VSX2: variants seen among roughly 807,000 people sequenced by gnomAD.
The protein encoded by VSX2 is visual system homeobox 2, also known as ceh-10 homeo domain containing homolog.
A neutral mutation model predicts 32.1 loss-of-function variants in VSX2; 28 were observed. The ratio of observed to expected loss-of-function variants is 0.87; its 90% CI spans 0.65 to 1.20. The LOEUF (loss-of-function observed/expected upper bound fraction) is 1.20. Ranked by LOEUF, VSX2 falls within the 50% of genes most tolerant of loss-of-function variation. VSX2 has a pLI of 0.00. For missense variants in VSX2, 506 were observed against 488.7 expected (o/e 1.04, Z -0.33); for synonymous variants, 243 against 214.1 (o/e 1.14, Z -1.18).
chr14:74,244,919 T>TGAGAGAGAGAGAGAGAGAGAGAAA (rs1178977213), intron 2 of VSX2, among the ~76,000 whole-genome samples: 1 of 41,150 alleles, frequency 2.4e-5, no homozygotes, highest in Non-Finnish European at 7.5e-5. Context: ...TGTGTGTGTG[T>TGAGAGAGAGAGAGAGAGAGAGAAA]GTGTGTGTGT....
intron 3 of VSX2, among the ~76,000 whole-genome samples, chr14:74,254,420 T>A (rs2079249181): frequency 1.3e-5 from 2 of 149,282 alleles, no homozygotes; most frequent in African/African-American, 4.9e-5. Flanking sequence ...GTCTCAAATT[T>A]AAAAAAAAAG....
chr14:74,246,587 G>A (rs969279926), intron 3 of VSX2, among the ~76,000 whole-genome samples: 16 of 152,208 alleles, frequency 1.1e-4, no homozygotes, highest in African/African-American at 2.7e-4. Flanking sequence ...TAAGCTGGGC[G>A]TTGATGTTGA....
rs1241617225 is a variant in VSX2, at chr14:74,252,394, C to CTT, written c.579+7119_579+7120dup. ...ACACAACCTGGGCTTTCTTTTCTTT[C>CTT]TTTTTTTTTTTTTTGAGATGCAGTC... On this transcript the variant is annotated intron_variant, in intron 3 of 4. Coordinates refer to ENST00000261980, the MANE Select transcript of VSX2 (RefSeq NM_182894.3). 2.1e-4 allele frequency among the ~76,000 whole-genome samples: 30 copies of CTT among 143,378 alleles called. 1 individual carries two copies. Among genetic ancestry groups the CTT allele is most frequent in the African/African-American group, 2.5e-4 (10 of 39,766 alleles). The allele number at this position is 143,378 out of a possible 152,430, so 94.1% of individuals were successfully genotyped here.
Position 74,260,825 on chromosome 14 carries a change from C to T in VSX2, c.992C>T (p.Ala331Val). Reference protein sequence around the residue: ...LGTVSGPDSLARSTEKPEEEE... With the variant: ...LGTVSGPDSLVRSTEKPEEEE... ...ACTGTGTCTGGGCCGGACAGCCTGG[C>T]CCGGAGTACCGAGAAGCCAGAGGAG... The change falls in exon 5 of 5, where the codon GCC (alanine) becomes GTC (valine). Residue 331 changes from alanine (A) to valine (V), a missense_variant. Coordinates refer to ENST00000261980, the MANE Select transcript of VSX2 (RefSeq NM_182894.3). 4 of 1,567,230 alleles carry T rather than the reference C, an allele frequency of 2.6e-6. No individual in the cohort carries two copies. The South Asian group carries it at 4.7e-5, about 18-fold the overall frequency.
rs1161610243 is a variant in VSX2, at chr14:74,244,925, T to TGAGA, written c.456-239_456-238insAGAG. The stretch of plus-strand genomic sequence containing the variant: ...GTGTGTGTGTGTGTGTGTGTGTGTG[T>TGAGA]GTGTGAAAGAGAGAGAGAAAGTGTG... On this transcript the variant is annotated intron_variant, in intron 2 of 4. Transcript: ENST00000261980. Among the ~76,000 whole-genome samples, 302 of 42,000 alleles carry TGAGA rather than the reference T, an allele frequency of 7.2e-3. 21 individuals are homozygous for TGAGA. The East Asian group carries it at 0.12, about 17-fold the overall frequency. The allele number at this position is 42,000 out of a possible 152,430, so 27.6% of individuals were successfully genotyped here.
chr14:74,249,073 C>T (rs767075478), intron 3 of VSX2, among the ~76,000 whole-genome samples: 8 of 152,194 alleles, frequency 5.3e-5, no homozygotes, highest in Non-Finnish European at 7.3e-5. Flanking sequence ...GATGTAGACG[C>T]GGAAAGGCAG....
intron 2 of VSX2, among the ~76,000 whole-genome samples, chr14:74,241,921 C>A (rs534624164): frequency 6.6e-6 from 1 of 152,140 alleles, no homozygotes; most frequent in South Asian, 2.1e-4. Context: ...TGGACTGCAT[C>A]GGGGTACAGA....
intron 3 of VSX2, among the ~76,000 whole-genome samples, chr14:74,250,763 C>T (rs1260007680): frequency 6.6e-6 from 1 of 151,772 alleles, no homozygotes; most frequent in Non-Finnish European, 1.5e-5. Context: ...ATTCTCCTGC[C>T]TCAGCCTCCA....
chr14:74,239,706 C>G lies in VSX2; in HGVS notation c.145C>G (p.Pro49Ala), dbSNP rs1412534213. The change falls in exon 1 of 5, where the codon CCG (proline) becomes GCG (alanine). Residue 49 changes from proline (P) to alanine (A), a missense_variant. Physicochemically the swap from Pro to Ala is conservative, Grantham distance 27 (BLOSUM62 -1). Coordinates refer to ENST00000261980, the MANE Select transcript of VSX2 (RefSeq NM_182894.3). The part of the protein sequence containing the change: ...GLNKEPPSSH[P>A]RAALDGLAPG... The stretch of plus-strand genomic sequence containing the variant: ...GAACAAGGAGCCCCCGAGCTCCCAC[C>G]CGCGGGCAGCGCTCGACGGCCTGGC... 6.5e-7 allele frequency: 1 copy of G among 1,549,692 alleles called. No homozygotes were observed. The highest frequency in any genetic ancestry group is 1.2e-5 in the South Asian group (1 of 84,044).
At chr14:74,253,048 CAAAAAAA>C (rs34396021) in intron 3 of VSX2, among the ~76,000 whole-genome samples, 3 of 95,448 alleles carry the variant, frequency 3.1e-5, no homozygotes, top group African/African-American at 7.4e-5. Flanking sequence ...GACTCCATCT[CAAAAAAA>C]AAAAAAAAAA....
Position 74,241,274 on chromosome 14 carries a change from C to G in VSX2, c.455+8C>G. 1.2e-6 allele frequency: 2 copies of G among 1,612,248 alleles called. No individual in the cohort carries two copies. The highest frequency in any genetic ancestry group is 1.7e-6 in the Non-Finnish European group (2 of 1,179,844). On this transcript the variant is annotated splice_region_variant and intron_variant, in intron 2 of 4. Transcript: ENST00000261980. The stretch of plus-strand genomic sequence containing the variant: ...GAAGAAGCGGCGACACAGGTGAGGC[C>G]CCCGCTTTCTGTTACCTCTCCTGCC...
chr14:74,239,451 C>A lies in VSX2; in HGVS notation c.-111C>A. On this transcript the variant is annotated 5_prime_UTR_variant, in exon 1 of 5. Coordinates refer to ENST00000261980, the MANE Select transcript of VSX2 (RefSeq NM_182894.3). ...AGGGGAATCTCCTTGGGCTCCAGAG[C>A]ATTAGACACCGGAGGGGGCACCTGG... 1.4e-6 allele frequency: 2 copies of A among 1,450,680 alleles called. No homozygotes were observed. The highest frequency in any genetic ancestry group is 3.9e-5 in the Admixed American group (2 of 50,818). The allele number at this position is 1,450,680 out of a possible 1,614,324, so 89.9% of individuals were successfully genotyped here.
chr14:74,241,260 G>C lies in VSX2; in HGVS notation c.449G>C (p.Arg150Pro). ...LNQTKKRKKRRHRTIFTSYQL... is the reference protein window; with the variant it reads ...LNQTKKRKKRPHRTIFTSYQL... The stretch of plus-strand genomic sequence containing the variant: ...CAGACCAAGAAACGGAAGAAGCGGC[G>C]ACACAGGTGAGGCCCCCGCTTTCTG... The change falls in exon 2 of 5, where the codon CGA (arginine) becomes CCA (proline). Residue 150 changes from arginine to proline, a missense_variant. Physicochemically the swap from Arg to Pro is moderately radical, Grantham distance 103 (BLOSUM62 -2). Coordinates refer to ENST00000261980, the MANE Select transcript of VSX2 (RefSeq NM_182894.3). 1 of 1,612,818 alleles carries C rather than the reference G, an allele frequency of 6.2e-7. No individual in the cohort carries two copies.
intron 1 of VSX2, 71 bp downstream of exon 1, chr14:74,240,002 C>T: frequency 1.3e-6 from 2 of 1,527,774 alleles, no homozygotes; most frequent in African/African-American, 1.4e-5. Flanking sequence ...CGTCGGCTCT[C>T]GCTTGCTGGA....
At chr14:74,251,374 C>T (rs1429962073) in intron 3 of VSX2, among the ~76,000 whole-genome samples, 1 of 152,242 alleles carries the variant, frequency 6.6e-6, no homozygotes, top group African/African-American at 2.4e-5. Context: ...AGCTTGAACC[C>T]GGGAGGCGGA....
At chr14:74,240,060 TG>T in intron 1 of VSX2, 129 bp downstream of exon 1, 1 of 1,239,906 alleles carries the variant, frequency 8.1e-7, no homozygotes, top group Non-Finnish European at 1.1e-6. Context: ...GGTCGCCGCC[TG>T]GGCCTTGGGC....
chr14:74,257,103 C>T (rs1028385837), intron 3 of VSX2, among the ~76,000 whole-genome samples: 1 of 152,066 alleles, frequency 6.6e-6, no homozygotes, highest in Non-Finnish European at 1.5e-5. Context: ...AACCGCAGGC[C>T]CCGGGTAACA....
chr14:74,257,867 T>TA (rs2079276859), intron 3 of VSX2, among the ~76,000 whole-genome samples: 1 of 152,258 alleles, frequency 6.6e-6, no homozygotes, highest in East Asian at 1.9e-4. Context: ...AAAGATAAAT[T>TA]ACCCAGGCGC....
intron 2 of VSX2, among the ~76,000 whole-genome samples, chr14:74,242,785 G>A (rs2079159370): frequency 6.6e-6 from 1 of 152,076 alleles, no homozygotes; most frequent in African/African-American, 2.4e-5. Flanking sequence ...CTGCCCTTGT[G>A]CTGGTGCCAG....
Sources: allele counts gnomAD v4.1 joint callset (sites outside exome capture counted in the v4.1 genomes callset), GRCh38; gene constraint gnomAD v4.1.1; transcripts MANE v1.5; gene names NCBI Gene and HGNC (gene_info 2026-07-23, HGNC 2026-07-21).